CEP83: variants seen among roughly 807,000 people sequenced by gnomAD.
The protein encoded by CEP83 is centrosomal protein 83.
CEP83 carries 70 observed loss-of-function variants against 101.9 expected under a neutral mutation model. The ratio of observed to expected loss-of-function variants is 0.69; its 90% CI spans 0.57 to 0.84. CEP83 has a LOEUF of 0.84. Among genes scored for constraint, CEP83 ranks in the 40% least tolerant of loss-of-function variants. CEP83 has a pLI of 0.00. For missense variants in CEP83, 715 were observed against 787.2 expected, an observed-to-expected ratio of 0.91 and a Z score of 1.10; for synonymous variants, 264 against 267.9, an observed-to-expected ratio of 0.99 and a Z score of 0.14.
chr12:94,282,346 C>T, the CEP83 span: 1 of 1,613,896 alleles, frequency 6.2e-7, no homozygotes, highest in Non-Finnish European at 8.5e-7. Flanking sequence ...ATCGACAGTT[C>T]CTCCGTGATT....
At chr12:94,302,972 G>GC (rs1183419193), downstream of CEP83, among the ~76,000 whole-genome samples, 1 of 152,106 alleles carries the variant, frequency 6.6e-6, no homozygotes, top group Non-Finnish European at 1.5e-5. Context: ...CAGTCTCTAG[G>GC]CATCCTTCAG....
At chr12:94,306,561 A>C (rs1444698492), downstream of CEP83, 1 of 152,180 alleles carries the variant, frequency 6.6e-6, no homozygotes, top group Non-Finnish European at 1.5e-5. Context: ...AAACAGCATA[A>C]TTGGCAACTC....
chr12:94,294,920 G>A, the CEP83 span, among the ~76,000 whole-genome samples: 12 of 152,182 alleles, frequency 7.9e-5, no homozygotes, highest in African/African-American at 2.4e-4. Flanking sequence ...CGAAGCAAGC[G>A]CTGAACAAAC....
intron 2 of CEP83, among the ~76,000 whole-genome samples, chr12:94,428,405 T>C (rs1388218197): frequency 6.6e-6 from 1 of 152,234 alleles, no homozygotes; most frequent in African/African-American, 2.4e-5. Flanking sequence ...CTACCCATAA[T>C]ATGGCTGCTA....
At chr12:94,434,952 T>G (rs2065889004) in intron 2 of CEP83, among the ~76,000 whole-genome samples, 1 of 152,234 alleles carries the variant, frequency 6.6e-6, no homozygotes, top group South Asian at 2.1e-4. Flanking sequence ...ATTATGGGAT[T>G]AGGGATCCTC....
At chr12:94,269,157 G>C in the CEP83 span, among the ~76,000 whole-genome samples, 2 of 152,192 alleles carry the variant, frequency 1.3e-5, no homozygotes, top group African/African-American at 4.8e-5. Context: ...TCAAAGTTAA[G>C]TGTGAAATGG....
downstream of CEP83, chr12:94,305,978 A>C (rs1282782463): frequency 6.6e-6 from 1 of 152,190 alleles, no homozygotes; most frequent in Non-Finnish European, 1.5e-5. Flanking sequence ...GCTTTATTTA[A>C]ATGAACAGCA....
chr12:94,308,759 G>C lies in CEP83; in HGVS notation c.*54C>G, dbSNP rs1333422630. 2.5e-6 allele frequency: 3 copies of C among 1,223,566 alleles called. No individual in the cohort carries two copies. Among genetic ancestry groups the C allele is most frequent in the African/African-American group, 3.0e-5 (2 of 66,748 alleles). The allele number at this position is 1,223,566 out of a possible 1,614,324, so 75.8% of individuals were successfully genotyped here. On this transcript the variant is annotated 3_prime_UTR_variant, in exon 17 of 17. Transcript: ENST00000397809. ...TAAATGCCACAGGTTAAAATGTCAA[G>C]TTTTACTGAGTCACCAACTTCACCT...
intron 14 of CEP83, among the ~76,000 whole-genome samples, chr12:94,322,432 G>C (rs536473405): frequency 2.6e-5 from 4 of 152,308 alleles, no homozygotes; most frequent in African/African-American, 9.6e-5. Context: ...AAAGCAGTCT[G>C]GCCACTTTTT....
chr12:94,429,311 C>A, intron 2 of CEP83, among the ~76,000 whole-genome samples: 1 of 152,154 alleles, frequency 6.6e-6, no homozygotes, highest in Non-Finnish European at 1.5e-5. Context: ...GCAATCCTAG[C>A]CACAGTAGAG....
At chr12:94,358,267 G>A (rs189383562) in intron 11 of CEP83, among the ~76,000 whole-genome samples, 2 of 152,140 alleles carry the variant, frequency 1.3e-5, no homozygotes, top group Non-Finnish European at 2.9e-5. Context: ...GGGAGCACAA[G>A]TTCTAATTCC....
At chr12:94,323,786 C>T (rs1248446923) in intron 14 of CEP83, among the ~76,000 whole-genome samples, 1 of 152,106 alleles carries the variant, frequency 6.6e-6, no homozygotes, top group Non-Finnish European at 1.5e-5. Flanking sequence ...GGGAAGCAGT[C>T]AATATTTTTA....
At chr12:94,455,097 G>A (rs373269340) in intron 1 of CEP83, among the ~76,000 whole-genome samples, 1 of 152,120 alleles carries the variant, frequency 6.6e-6, no homozygotes, top group Non-Finnish European at 1.5e-5. Context: ...TGAAGTCAGC[G>A]AGACCAAGAA....
downstream of CEP83, chr12:94,304,143 C>A: frequency 1.2e-6 from 1 of 809,676 alleles, no homozygotes; most frequent in Non-Finnish European, 2.0e-6. Flanking sequence ...GCTCTGGCAT[C>A]CCAAAAGGCC....
chr12:94,294,151 C>CT, the CEP83 span, among the ~76,000 whole-genome samples: 3 of 152,176 alleles, frequency 2.0e-5, no homozygotes, highest in Admixed American at 1.3e-4. Flanking sequence ...GGGGGAATGT[C>CT]CTAACACAGC....
intron 6 of CEP83, among the ~76,000 whole-genome samples, chr12:94,383,380 C>A (rs2061957136): frequency 6.6e-6 from 1 of 151,964 alleles, no homozygotes; most frequent in Admixed American, 6.6e-5. Context: ...AGCATATGGA[C>A]CCTGACTTAT....
At chr12:94,285,496 C>T in the CEP83 span, among the ~76,000 whole-genome samples, 24 of 152,200 alleles carry the variant, frequency 1.6e-4, no homozygotes, top group Non-Finnish European at 2.9e-5. Context: ...GCCCCGTGCT[C>T]ACTCTCCTAT....
intron 11 of CEP83, among the ~76,000 whole-genome samples, chr12:94,350,248 T>C (rs1211856682): frequency 6.6e-6 from 1 of 152,152 alleles, no homozygotes; most frequent in African/African-American, 2.4e-5. Context: ...TATTGCAAAG[T>C]TATAATAATC....
intron 11 of CEP83, among the ~76,000 whole-genome samples, chr12:94,339,842 C>G (rs1342860567): frequency 6.6e-6 from 1 of 152,194 alleles, no homozygotes; most frequent in Non-Finnish European, 1.5e-5. Flanking sequence ...AACTAGAAAA[C>G]TGAAACCAGG....
Sources: allele counts gnomAD v4.1 joint callset (sites outside exome capture counted in the v4.1 genomes callset), GRCh38; gene constraint gnomAD v4.1.1; transcripts MANE v1.5; gene names NCBI Gene and HGNC (gene_info 2026-07-23, HGNC 2026-07-21).